LEPROTL1: variants seen among roughly 807,000 people sequenced by gnomAD.
The protein encoded by LEPROTL1 is leptin receptor overlapping transcript-like 1.
In LEPROTL1, 6 loss-of-function variants were observed where a neutral mutation model predicts 15.4. That is an observed-to-expected ratio of 0.39 (90% CI 0.21 to 0.77). LEPROTL1 has a LOEUF of 0.77. Among genes scored for constraint, LEPROTL1 ranks in the 30% least tolerant of loss-of-function variants. The pLI is 0.41. For synonymous variants in LEPROTL1, 56 were observed against 52.6 expected (o/e 1.06, Z -0.28); for missense variants, 128 against 158.1 (o/e 0.81, Z 1.02).
intron 3 of LEPROTL1, among the ~76,000 whole-genome samples, chr8:30,125,439 G>A (rs940540514): frequency 2.0e-5 from 3 of 152,148 alleles, no homozygotes; most frequent in African/African-American, 7.2e-5. Context: ...GAAAACAAAT[G>A]GAAGGAATAT....
At chr8:30,113,318 A>C (rs1233755603), downstream of LEPROTL1, among the ~76,000 whole-genome samples, 1 of 152,144 alleles carries the variant, frequency 6.6e-6, no homozygotes, top group African/African-American at 2.4e-5. Flanking sequence ...GGGCAAAGTT[A>C]AAACAAGAAG....
At chr8:30,137,175 A>G (rs1028045077) in intron 4 of LEPROTL1, 3 of 939,784 alleles carry the variant, frequency 3.2e-6, no homozygotes, top group African/African-American at 3.3e-5. Flanking sequence ...TGAGATCTCC[A>G]GATCACAAAG....
intron 1 of LEPROTL1, among the ~76,000 whole-genome samples, chr8:30,100,282 A>G (rs866508431): frequency 1.3e-5 from 2 of 152,138 alleles, no homozygotes; most frequent in African/African-American, 4.8e-5. Context: ...TGGTTTCTCT[A>G]TGTTAGCCTT....
intron 2 of LEPROTL1, among the ~76,000 whole-genome samples, chr8:30,104,066 A>G (rs754498838): frequency 2.0e-5 from 3 of 152,124 alleles, no homozygotes; most frequent in Admixed American, 6.6e-5. Flanking sequence ...GATAAATTCT[A>G]TATTCTGACT....
chr8:30,110,532 G>C (rs1195174703), downstream of LEPROTL1, among the ~76,000 whole-genome samples: 1 of 152,012 alleles, frequency 6.6e-6, no homozygotes, highest in Non-Finnish European at 1.5e-5. Flanking sequence ...TCAAAAGTTC[G>C]AGACCATCCT....
intron 3 of LEPROTL1, among the ~76,000 whole-genome samples, chr8:30,127,815 A>T (rs576937984): frequency 6.6e-6 from 1 of 151,984 alleles, no homozygotes; most frequent in Admixed American, 6.6e-5. Flanking sequence ...TCAAATCCAG[A>T]TCTGGAAGTG....
intron 3 of LEPROTL1, among the ~76,000 whole-genome samples, chr8:30,131,634 G>A (rs1803017819): frequency 6.6e-6 from 1 of 152,122 alleles, no homozygotes; most frequent in Non-Finnish European, 1.5e-5. Context: ...TATATATAGA[G>A]CGTTTGCCAT....
intron 1 of LEPROTL1, chr8:30,096,035 G>A: frequency 1.7e-6 from 1 of 600,776 alleles, no homozygotes; most frequent in South Asian, 1.9e-5. Flanking sequence ...CACCCCGGCC[G>A]CCCGCGCCCG....
At chr8:30,095,556 G>A in intron 1 of LEPROTL1, 28 bp downstream of exon 1, 1 of 1,365,900 alleles carries the variant, frequency 7.3e-7, no homozygotes, top group Non-Finnish European at 9.4e-7. Context: ...GACGCGGGAG[G>A]GCTGGGGCCG....
At chr8:30,124,522 T>C (rs1802879803) in intron 3 of LEPROTL1, among the ~76,000 whole-genome samples, 2 of 152,286 alleles carry the variant, frequency 1.3e-5, no homozygotes, top group African/African-American at 4.8e-5. Flanking sequence ...CCCTTCCTTA[T>C]TCTTAAGAAA....
intron 3 of LEPROTL1, among the ~76,000 whole-genome samples, chr8:30,116,194 C>T (rs1802738335): frequency 6.6e-6 from 1 of 152,054 alleles, no homozygotes; most frequent in Non-Finnish European, 1.5e-5. Context: ...GAGCTGTGAT[C>T]ATGCCACTGT....
At chr8:30,137,972 CT>C, downstream of LEPROTL1, 1 of 195,896 alleles carries the variant, frequency 5.1e-6, no homozygotes, top group Admixed American at 5.3e-5. Context: ...GATGGATCAG[CT>C]GGTACTACCC....
intron 3 of LEPROTL1, among the ~76,000 whole-genome samples, chr8:30,105,492 G>A (rs1802548248): frequency 6.7e-6 from 1 of 149,596 alleles, no homozygotes; most frequent in African/African-American, 2.4e-5. Context: ...GAAAATACTA[G>A]TATAAAAGTA....
In LEPROTL1 at chr8:30,095,543, C is replaced by A; in HGVS notation, c.16+15C>A. 1.4e-6 allele frequency: 2 copies of A among 1,416,582 alleles called. No homozygotes were observed. Among genetic ancestry groups the A allele is most frequent in the East Asian group, 3.1e-5 (1 of 32,300 alleles). 87.8% of individuals were successfully genotyped at this position (1,416,582 alleles called of 1,614,324 possible). A position where few individuals can be genotyped will look rare whatever the true frequency, so the allele number is the denominator to read the frequency against. On this transcript the variant is annotated intron_variant, in intron 1 of 3. Transcript: ENST00000321250. ...AGGCATCAAAGGTGGGCCTGGGTTG[C>A]AGGACGCGGGAGGGCTGGGGCCGGC...
rs999526806 is a variant in LEPROTL1 at position 30,105,923 on chromosome 8, A to G, written c.*61A>G. 4 of 1,421,992 alleles carry G rather than the reference A, an allele frequency of 2.8e-6. No homozygotes were observed. The highest frequency in any genetic ancestry group is 3.7e-6 in the Non-Finnish European group (4 of 1,078,928). The allele number at this position is 1,421,992 out of a possible 1,614,324, so 88.1% of individuals were successfully genotyped here. On this transcript the variant is annotated 3_prime_UTR_variant, in exon 4 of 4. Coordinates refer to ENST00000321250, the MANE Select transcript of LEPROTL1 (RefSeq NM_015344.3). ...TGTCATTTGTTGGCCATTCACGCAC[A>G]CAGGAGATGGGGCAGTTAATGCTGA...
intron 3 of LEPROTL1, among the ~76,000 whole-genome samples, chr8:30,118,019 G>GGTCGT (rs751348725): frequency 7.5e-5 from 2 of 26,784 alleles, no homozygotes; most frequent in African/African-American, 2.4e-4. Flanking sequence ...TTTTTGATTT[G>GGTCGT]TTTTTTTTTT....
intron 3 of LEPROTL1, among the ~76,000 whole-genome samples, chr8:30,127,668 CAA>C (rs5890499): frequency 6.5e-4 from 64 of 97,756 alleles, no homozygotes; most frequent in South Asian, 2.0e-3. Flanking sequence ...GACCCTGTCT[CAA>C]AAAAAAAAAA....
intron 3 of LEPROTL1, among the ~76,000 whole-genome samples, chr8:30,114,824 G>A (rs10089684): frequency 0.86 from 130,875 of 152,168 alleles, 57,452 homozygotes; most frequent in South Asian, 0.98. Flanking sequence ...AGCATTGTCC[G>A]TCTTTTAGCA....
intron 4 of LEPROTL1, chr8:30,132,559 C>A (rs16876563): frequency 6.4e-7 from 1 of 1,551,686 alleles, no homozygotes; most frequent in Non-Finnish European, 8.7e-7. Context: ...ATCAGTCAGT[C>A]CCGCTCCTGC....
Sources: gnomAD v4.1 joint callset for allele counts (sites outside exome capture counted in the v4.1 genomes callset) on GRCh38, gnomAD v4.1.1 for gene constraint, MANE v1.5 for transcripts, NCBI Gene and HGNC (gene_info 2026-07-23, HGNC 2026-07-21) for gene names.